GNG7: variants seen among roughly 807,000 people sequenced by gnomAD.
The protein encoded by GNG7 is guanine nucleotide-binding protein G(I)/G(S)/G(O) subunit gamma-7.
GNG7 carries 1 observed loss-of-function variant against 4.0 expected under a neutral mutation model. The observed-to-expected ratio is 0.25, with a 90% CI of 0.09 to 1.18. The LOEUF is 1.18. GNG7 is among the 50% of genes most tolerant of loss of function. GNG7 has a pLI of 0.50. For synonymous variants in GNG7, 34 were observed against 36.9 expected (o/e 0.92, Z 0.29); for missense variants, 86 against 91.9 (o/e 0.94, Z 0.26).
chr19:2,535,083 C>T (rs116138692), intron 3 of GNG7, among the ~76,000 whole-genome samples: 417 of 152,242 alleles, frequency 2.7e-3, no homozygotes, highest in African/African-American at 9.6e-3. Context: ...ATCTTGGAGC[C>T]AGTCATTCAG....
At chr19:2,674,551 T>C (rs2144892324) in intron 1 of GNG7, among the ~76,000 whole-genome samples, 1 of 152,262 alleles carries the variant, frequency 6.6e-6, no homozygotes, top group East Asian at 1.9e-4. Flanking sequence ...TCCTCCTGCC[T>C]CAACCTCCCA....
At chr19:2,661,830 T>C (rs1225926789) in intron 1 of GNG7, among the ~76,000 whole-genome samples, 3 of 152,098 alleles carry the variant, frequency 2.0e-5, no homozygotes, top group Non-Finnish European at 2.9e-5. Flanking sequence ...CTCCTCCAGC[T>C]CCAATCGAGC....
chr19:2,597,013 C>T (rs60136028), intron 2 of GNG7, among the ~76,000 whole-genome samples: 1 of 152,044 alleles, frequency 6.6e-6, no homozygotes, highest in African/African-American at 2.4e-5. Context: ...AATCCCAGCA[C>T]TTTTGGAGGC....
In GNG7 at chr19:2,668,220, C is replaced by CAAAA. The variant is rs11386382; in HGVS notation, c.-134-21944_-134-21941dup. Among the ~76,000 whole-genome samples the CAAAA allele has an allele frequency of 3.6e-3, 503 of 140,174 alleles. 4 individuals carry two copies. Among genetic ancestry groups the CAAAA allele is most frequent in the African/African-American group, 0.012 (479 of 38,400 alleles). The allele number at this position is 140,174 out of a possible 152,430, so 92.0% of individuals were successfully genotyped here. On this transcript the variant is annotated intron_variant, in intron 1 of 4. Coordinates refer to ENST00000382159, the MANE Select transcript of GNG7 (RefSeq NM_052847.3). ...AACTATTCTAAAATGAAAAGTTTAT[C>CAAAA]AAAAAAAAAAAAGAGACAGAGAGAA...
chr19:2,532,138 G>A (rs1211045139), intron 3 of GNG7, among the ~76,000 whole-genome samples: 5 of 137,458 alleles, frequency 3.6e-5, no homozygotes, highest in African/African-American at 1.4e-4. Context: ...GCAAAAGAAC[G>A]AGACTCCGTC....
chr19:2,553,843 G>A (rs561304370), intron 3 of GNG7, among the ~76,000 whole-genome samples: 3 of 145,060 alleles, frequency 2.1e-5, no homozygotes, highest in South Asian at 4.3e-4. Context: ...ATGTAATATT[G>A]CATACATGTA....
chr19:2,541,809 G>T (rs1978971752), intron 3 of GNG7, among the ~76,000 whole-genome samples: 1 of 152,024 alleles, frequency 6.6e-6, no homozygotes, highest in Admixed American at 6.6e-5. Flanking sequence ...AGCTACTCCG[G>T]GAGGCTGAGG....
chr19:2,685,650 A>G (rs1204035348), intron 1 of GNG7, among the ~76,000 whole-genome samples: 2 of 152,128 alleles, frequency 1.3e-5, no homozygotes, highest in African/African-American at 2.4e-5. Flanking sequence ...AAGCAAAACA[A>G]AAGAAAGTGA....
intron 2 of GNG7, among the ~76,000 whole-genome samples, chr19:2,616,052 C>A (rs1981715514): frequency 6.6e-6 from 1 of 152,174 alleles, no homozygotes; most frequent in Non-Finnish European, 1.5e-5. Flanking sequence ...ATGGAAAAAA[C>A]ACCCAGTAGC....
intron 1 of GNG7, among the ~76,000 whole-genome samples, chr19:2,693,639 C>T (rs1913182974): frequency 6.6e-6 from 1 of 152,058 alleles, no homozygotes; most frequent in Admixed American, 6.6e-5. Flanking sequence ...CCATCCTGGG[C>T]ACTGCAGGGC....
intron 3 of GNG7, among the ~76,000 whole-genome samples, chr19:2,554,919 G>A (rs761890643): frequency 2.0e-5 from 3 of 152,066 alleles, no homozygotes; most frequent in Non-Finnish European, 2.9e-5. Context: ...AACGGAGAAC[G>A]TCATCTCCAC....
chr19:2,656,987 C>A (rs1982992206), intron 1 of GNG7, among the ~76,000 whole-genome samples: 1 of 151,880 alleles, frequency 6.6e-6, no homozygotes, highest in African/African-American at 2.4e-5. Flanking sequence ...AGCGGAGAGG[C>A]CTTAAAACAT....
At chr19:2,642,328 C>T (rs1050439223) in intron 2 of GNG7, 7 of 226,622 alleles carry the variant, frequency 3.1e-5, no homozygotes, top group Admixed American at 5.2e-5. Context: ...ACTATTAGCT[C>T]CGCAGCTGCT....
At chr19:2,642,635 G>A in intron 2 of GNG7, 1 of 369,816 alleles carries the variant, frequency 2.7e-6, no homozygotes, top group South Asian at 2.0e-5. Context: ...CCACTAGCAG[G>A]GACTACAGGT....
At chr19:2,615,197 T>C (rs1224144975) in intron 2 of GNG7, among the ~76,000 whole-genome samples, 1 of 151,862 alleles carries the variant, frequency 6.6e-6, no homozygotes, top group African/African-American at 2.4e-5. Flanking sequence ...AGTCTCGCTC[T>C]GTCGCCCAGG....
intron 2 of GNG7, 72 bp downstream of exon 2, chr19:2,646,152 G>A (rs1170158493): frequency 1.3e-5 from 2 of 152,224 alleles, no homozygotes; most frequent in African/African-American, 4.8e-5. Flanking sequence ...GCAACCCCAC[G>A]TCTTACATCC....
chr19:2,652,423 C>T (rs1982854693), intron 1 of GNG7, among the ~76,000 whole-genome samples: 1 of 151,950 alleles, frequency 6.6e-6, no homozygotes, highest in East Asian at 1.9e-4. Flanking sequence ...AGTTCAAGAC[C>T]AGCCTGGCTA....
chr19:2,574,773 G>A (rs34287077), intron 2 of GNG7, among the ~76,000 whole-genome samples: 4 of 152,158 alleles, frequency 2.6e-5, no homozygotes, highest in Non-Finnish European at 5.9e-5. Context: ...TGGTAATTCC[G>A]TGTTTACCAT....
chr19:2,649,776 A>T (rs938755047), intron 1 of GNG7, among the ~76,000 whole-genome samples: 1 of 152,152 alleles, frequency 6.6e-6, no homozygotes, highest in Non-Finnish European at 1.5e-5. Context: ...CATTGTTTTC[A>T]GTATATTTGC....
Sources: gnomAD v4.1 joint callset for allele counts (sites outside exome capture counted in the v4.1 genomes callset) on GRCh38, gnomAD v4.1.1 for gene constraint, MANE v1.5 for transcripts, NCBI Gene and HGNC (gene_info 2026-07-23, HGNC 2026-07-21) for gene names.